The following GSE1 variants were observed in gnomAD, a reference collection of about 807,000 sequenced individuals.
GSE1 encodes the protein Gse1 coiled-coil protein.
In GSE1, 32 loss-of-function variants were observed where a neutral mutation model predicts 112.6. The ratio of observed to expected loss-of-function variants is 0.28; its 90% CI spans 0.21 to 0.38. GSE1 has a LOEUF of 0.38. Among genes scored for constraint, GSE1 ranks in the 10% least tolerant of loss-of-function variants. The pLI, the probability that GSE1 is intolerant of heterozygous loss-of-function variation, is 1.00. For synonymous variants in GSE1, 1,115 were observed against 735.6 expected (o/e 1.52, Z -8.35); for missense variants, 2,348 against 1,699.2 (o/e 1.38, Z -6.71).
At chr16:85,215,630 G>A (rs1390294921) in intron 1 of GSE1, among the ~76,000 whole-genome samples, 2 of 152,226 alleles carry the variant, frequency 1.3e-5, no homozygotes, top group African/African-American at 4.8e-5. Flanking sequence ...TTAGAGAAGT[G>A]CCTGACACGC....
intron 1 of GSE1, among the ~76,000 whole-genome samples, chr16:85,624,144 G>A (rs554239321): frequency 2.0e-5 from 3 of 152,282 alleles, no homozygotes; most frequent in Non-Finnish European, 2.9e-5. Context: ...GCCGCCACCC[G>A]CCGTCCCACG....
At chr16:85,557,332 T>A (rs1399339783) in intron 1 of GSE1, among the ~76,000 whole-genome samples, 1 of 152,050 alleles carries the variant, frequency 6.6e-6, no homozygotes, top group Non-Finnish European at 1.5e-5. Flanking sequence ...AATGAGCTGA[T>A]TTTATTCCTC....
chr16:85,421,186 G>A (rs1266262471), intron 2 of GSE1, among the ~76,000 whole-genome samples: 1 of 152,172 alleles, frequency 6.6e-6, no homozygotes, highest in Non-Finnish European at 1.5e-5. Flanking sequence ...GGGCAGTTCG[G>A]AGTGCAAGCA....
intron 2 of GSE1, among the ~76,000 whole-genome samples, chr16:85,529,117 AG>A (rs1399653710): frequency 6.6e-6 from 1 of 151,696 alleles, no homozygotes; most frequent in South Asian, 2.1e-4. Context: ...GCAGTTGTCC[AG>A]GGGGGTCGGA....
At chr16:85,390,081 T>C (rs921799899) in intron 2 of GSE1, among the ~76,000 whole-genome samples, 2 of 152,208 alleles carry the variant, frequency 1.3e-5, no homozygotes, top group African/African-American at 2.4e-5. Flanking sequence ...AAAGTACAGA[T>C]TATTTCTTTA....
At chr16:85,174,646 G>T (rs2074424600) in intron 1 of GSE1, among the ~76,000 whole-genome samples, 1 of 152,212 alleles carries the variant, frequency 6.6e-6, no homozygotes, top group Admixed American at 6.5e-5. Flanking sequence ...ATGGGGGAGG[G>T]GGACACACAT....
At chr16:85,250,417 G>C (rs1329270665) in intron 1 of GSE1, among the ~76,000 whole-genome samples, 2 of 152,150 alleles carry the variant, frequency 1.3e-5, no homozygotes, top group Non-Finnish European at 2.9e-5. Context: ...CCCCAGCTGG[G>C]TGTTCCCAGG....
chr16:85,183,234 TTCATGCACAC>T (rs1451995792), intron 1 of GSE1, among the ~76,000 whole-genome samples: 3 of 152,168 alleles, frequency 2.0e-5, no homozygotes, highest in Non-Finnish European at 2.9e-5. Flanking sequence ...CCCTCTCTCA[TTCATGCACAC>T]TCATGCACAC....
intron 2 of GSE1, among the ~76,000 whole-genome samples, chr16:85,642,556 G>A (rs904307177): frequency 6.6e-5 from 10 of 152,302 alleles, no homozygotes; most frequent in African/African-American, 1.4e-4. Context: ...TGTCTCCATC[G>A]GCAGCATGGG....
intron 1 of GSE1, among the ~76,000 whole-genome samples, chr16:85,628,210 G>A (rs996575234): frequency 1.3e-5 from 2 of 152,252 alleles, no homozygotes; most frequent in African/African-American, 2.4e-5. Context: ...GAGGAGCAGC[G>A]CTAATTTTAG....
intron 2 of GSE1, among the ~76,000 whole-genome samples, chr16:85,504,997 C>T (rs917984923): frequency 6.9e-6 from 1 of 145,382 alleles, no homozygotes; most frequent in Non-Finnish European, 1.5e-5. Context: ...TCCTCGTCAG[C>T]ATCACATGTG....
chr16:85,301,790 T>A (rs1370309956), intron 1 of GSE1, among the ~76,000 whole-genome samples: 2 of 152,206 alleles, frequency 1.3e-5, no homozygotes, highest in Non-Finnish European at 2.9e-5. Flanking sequence ...TCCTTCCAGA[T>A]GGCCCAGAGG....
chr16:85,306,102 A>G (rs899898597), intron 1 of GSE1: 4 of 154,118 alleles, frequency 2.6e-5, no homozygotes, highest in African/African-American at 9.6e-5. Context: ...AAAAATAGAA[A>G]AATAAATGAA....
chr16:85,618,265 C>T (rs988118915), intron 1 of GSE1, among the ~76,000 whole-genome samples: 2 of 152,142 alleles, frequency 1.3e-5, no homozygotes, highest in African/African-American at 2.4e-5. Flanking sequence ...ATCACGTCCT[C>T]ACCCCCACCC....
chr16:85,398,175 T>C (rs2048011491), intron 2 of GSE1, among the ~76,000 whole-genome samples: 1 of 152,102 alleles, frequency 6.6e-6, no homozygotes, highest in Admixed American at 6.5e-5. Flanking sequence ...AAAATGGGCG[T>C]GATGGGATCA....
chr16:85,362,053 G>C (rs2047093179), intron 2 of GSE1, among the ~76,000 whole-genome samples: 1 of 152,180 alleles, frequency 6.6e-6, no homozygotes. Context: ...CTTGCTGGCT[G>C]CCGGGAGTAC....
chr16:85,509,173 T>C (rs2051646465), intron 2 of GSE1, among the ~76,000 whole-genome samples: 1 of 152,180 alleles, frequency 6.6e-6, no homozygotes, highest in Non-Finnish European at 1.5e-5. Context: ...GAAAGTGGCC[T>C]GCCCACCTGA....
intron 1 of GSE1, among the ~76,000 whole-genome samples, chr16:85,219,714 T>C (rs1424816233): frequency 2.0e-5 from 3 of 152,252 alleles, no homozygotes; most frequent in Non-Finnish European, 4.4e-5. Context: ...TCTTTTCTTC[T>C]TGCGTTTTCC....
intron 2 of GSE1, among the ~76,000 whole-genome samples, chr16:85,459,978 A>C (rs112583514): frequency 3.3e-5 from 5 of 152,354 alleles, no homozygotes; most frequent in African/African-American, 1.2e-4. Context: ...CATTTCTGCC[A>C]GAAAGCAGAC....
Sources: allele counts gnomAD v4.1 joint callset (sites outside exome capture counted in the v4.1 genomes callset), GRCh38; gene constraint gnomAD v4.1.1; transcripts MANE v1.5; gene names NCBI Gene and HGNC (gene_info 2026-07-23, HGNC 2026-07-21).